Variants in CCDC170 observed in about 807,000 individuals in gnomAD.
CCDC170 encodes the protein coiled-coil domain containing 170.
In CCDC170, 69 loss-of-function variants were observed where a neutral mutation model predicts 72.6. That is an observed-to-expected ratio of 0.95 (90% CI 0.78 to 1.16). The LOEUF (loss-of-function observed/expected upper bound fraction) is 1.16. Ranked by LOEUF, CCDC170 falls within the 50% of genes most tolerant of loss-of-function variation. The probability of loss-of-function intolerance (pLI) is 0.00; values close to 1 mark genes in which losing one functional copy is unlikely to be tolerated. For synonymous variants in CCDC170, 300 were observed against 303.9 expected, an observed-to-expected ratio of 0.99 and a Z score of 0.13; for missense variants, 852 against 832.5, an observed-to-expected ratio of 1.02 and a Z score of -0.29.
At chr6:151,495,671 T>C (rs151093177) in intron 1 of CCDC170, among the ~76,000 whole-genome samples, 28 of 152,266 alleles carry the variant, frequency 1.8e-4, no homozygotes, top group Non-Finnish European at 3.4e-4. Context: ...AATTTTTGTG[T>C]TCTTTGCAGA....
intron 4 of CCDC170, among the ~76,000 whole-genome samples, chr6:151,547,694 T>A (rs1182465998): frequency 1.3e-5 from 2 of 152,298 alleles, no homozygotes; most frequent in Admixed American, 6.5e-5. Flanking sequence ...ATTGTCTGTA[T>A]GGCTCGTTCC....
At chr6:151,566,929 C>CT (rs1031876470) in intron 5 of CCDC170, among the ~76,000 whole-genome samples, 6 of 151,698 alleles carry the variant, frequency 4.0e-5, no homozygotes, top group South Asian at 2.1e-4. Context: ...GAAATTTTTT[C>CT]TTTTTTTTGA....
intron 5 of CCDC170, among the ~76,000 whole-genome samples, chr6:151,550,619 A>G (rs146245333): frequency 1.3e-5 from 2 of 152,328 alleles, no homozygotes; most frequent in East Asian, 1.9e-4. Flanking sequence ...TTGGGCTGCC[A>G]TAATACAGTA....
chr6:151,541,992 G>C (rs1007594260), intron 3 of CCDC170, among the ~76,000 whole-genome samples: 3 of 148,374 alleles, frequency 2.0e-5, no homozygotes, highest in Non-Finnish European at 4.5e-5. Flanking sequence ...CAGTTCTCAT[G>C]CCTCAGCCTC....
At chr6:151,510,902 AT>A (rs1334530785) in intron 1 of CCDC170, among the ~76,000 whole-genome samples, 32 of 152,058 alleles carry the variant, frequency 2.1e-4, no homozygotes, top group African/African-American at 7.5e-4. Flanking sequence ...TGCCTGGTTA[AT>A]TTTTGTATTT....
intron 5 of CCDC170, among the ~76,000 whole-genome samples, chr6:151,568,937 C>G (rs1247334782): frequency 3.3e-5 from 5 of 152,090 alleles, no homozygotes. Context: ...ATAGATATAT[C>G]CTCAGGACTG....
intron 1 of CCDC170, among the ~76,000 whole-genome samples, chr6:151,524,399 A>AAGTTCAG (rs1370824535): frequency 1.3e-5 from 2 of 152,334 alleles, no homozygotes; most frequent in Non-Finnish European, 2.9e-5. Flanking sequence ...GCAGGGGTCC[A>AAGTTCAG]AGTTCAGGAT....
At chr6:151,564,394 C>G (rs1776094346) in intron 5 of CCDC170, among the ~76,000 whole-genome samples, 1 of 152,018 alleles carries the variant, frequency 6.6e-6, no homozygotes, top group African/African-American at 2.4e-5. Context: ...CCGATGGGAA[C>G]AGCAGTGGGC....
At chr6:151,577,523 C>T (rs955382763) in intron 6 of CCDC170, among the ~76,000 whole-genome samples, 7 of 152,208 alleles carry the variant, frequency 4.6e-5, no homozygotes, top group African/African-American at 1.7e-4. Flanking sequence ...TTGTTTTCTT[C>T]TTCACCTCTA....
At chr6:151,500,295 T>G (rs958579428) in intron 1 of CCDC170, among the ~76,000 whole-genome samples, 17 of 151,308 alleles carry the variant, frequency 1.1e-4, no homozygotes, top group Admixed American at 1.1e-3. Flanking sequence ...TGTCTTCATA[T>G]GAACTTAAGT....
chr6:151,494,502 C>A (rs1218758624), intron 1 of CCDC170, among the ~76,000 whole-genome samples: 1 of 152,170 alleles, frequency 6.6e-6, no homozygotes, highest in African/African-American at 2.4e-5. Flanking sequence ...CAAAGAATTC[C>A]TTCATTTAAC....
intron 7 of CCDC170, among the ~76,000 whole-genome samples, chr6:151,590,637 C>T (rs1776520713): frequency 1.3e-5 from 2 of 152,156 alleles, no homozygotes; most frequent in African/African-American, 4.8e-5. Flanking sequence ...TTCAAATGAA[C>T]AATATATACA....
intron 1 of CCDC170, among the ~76,000 whole-genome samples, chr6:151,500,285 T>C (rs1781976938): frequency 6.6e-6 from 1 of 151,288 alleles, no homozygotes; most frequent in South Asian, 2.1e-4. Flanking sequence ...TCTAGTTGCA[T>C]GTCTTCATAT....
intron 1 of CCDC170, among the ~76,000 whole-genome samples, chr6:151,510,892 T>A (rs1782137159): frequency 6.6e-6 from 1 of 152,048 alleles, no homozygotes; most frequent in Admixed American, 6.6e-5. Flanking sequence ...CCTGCCACCA[T>A]GCCTGGTTAA....
chr6:151,572,772 C>T (rs1776242017), intron 5 of CCDC170, among the ~76,000 whole-genome samples: 2 of 150,984 alleles, frequency 1.3e-5, no homozygotes, highest in South Asian at 4.2e-4. Context: ...GCCTCAGGCT[C>T]CCGAGTAGCT....
chr6:151,541,611 G>A (rs986230713), intron 3 of CCDC170, among the ~76,000 whole-genome samples: 1 of 151,758 alleles, frequency 6.6e-6, no homozygotes, highest in Non-Finnish European at 1.5e-5. Context: ...TTAAATAAAT[G>A]AGTAATAAAA....
At chr6:151,497,103 T>C (rs1333881560) in intron 1 of CCDC170, among the ~76,000 whole-genome samples, 2 of 152,236 alleles carry the variant, frequency 1.3e-5, no homozygotes, top group East Asian at 1.9e-4. Flanking sequence ...GAATTGGAGA[T>C]TGACCCTGCT....
At position 151,587,656 on chromosome 6, in the gene CCDC170, A is replaced by G. The variant is rs541460764; in HGVS notation, c.1293+1567A>G. Among the ~76,000 whole-genome samples the G allele has an allele frequency of 2.2e-4, 33 of 152,344 alleles. No individual in the cohort carries two copies. In the Middle Eastern group the frequency reaches 0.01, roughly 47 times the overall value. ...AGGTTGGATATGCAAAGATGTGCCA[A>G]AGGTGTCTGTGGAAAATCAAGTCTA... On this transcript the variant is annotated intron_variant, in intron 7 of 10. Coordinates refer to ENST00000239374, the MANE Select transcript of CCDC170 (RefSeq NM_025059.4).
chr6:151,556,631 C>T (rs564278491), intron 5 of CCDC170, among the ~76,000 whole-genome samples: 43 of 152,170 alleles, frequency 2.8e-4, no homozygotes, highest in African/African-American at 9.2e-4. Flanking sequence ...ATGTATTTAA[C>T]GGGTACGTGT....
Sources: gnomAD v4.1 joint callset for allele counts (sites outside exome capture counted in the v4.1 genomes callset) on GRCh38, gnomAD v4.1.1 for gene constraint, MANE v1.5 for transcripts, NCBI Gene and HGNC (gene_info 2026-07-23, HGNC 2026-07-21) for gene names.